SAMD12: variants seen among roughly 807,000 people sequenced by gnomAD.
SAMD12 encodes sterile alpha motif domain-containing protein 12.
Under a neutral mutation model 15.0 loss-of-function variants are expected in SAMD12, and 9 were observed. The ratio of observed to expected loss-of-function variants is 0.60; its 90% CI spans 0.36 to 1.05. The LOEUF is 1.05. SAMD12 is among the 50% of genes least tolerant of loss of function. SAMD12 has a pLI of 0.01. For missense variants in SAMD12, 230 were observed against 234.2 expected, an observed-to-expected ratio of 0.98 and a Z score of 0.12; for synonymous variants, 86 against 90.1, an observed-to-expected ratio of 0.96 and a Z score of 0.25.
chr8:118,324,782 T>C (rs529240410), intron 4 of SAMD12, among the ~76,000 whole-genome samples: 34 of 152,192 alleles, frequency 2.2e-4, no homozygotes, highest in Middle Eastern at 3.2e-3. Context: ...TGATTCTATA[T>C]GCCTGATGTT....
chr8:118,138,835 A>G, the SAMD12 span, among the ~76,000 whole-genome samples: 1 of 152,190 alleles, frequency 6.6e-6, no homozygotes, highest in Non-Finnish European at 1.5e-5. Context: ...TAGCTGCCCC[A>G]CAGCCTCAAA....
At chr8:118,321,699 G>A (rs938041936) in intron 4 of SAMD12, among the ~76,000 whole-genome samples, 1 of 152,170 alleles carries the variant, frequency 6.6e-6, no homozygotes, top group Non-Finnish European at 1.5e-5. Context: ...ATAATGCAGT[G>A]TGTAGGGGTA....
chr8:118,534,014 G>C (rs1483883691), intron 2 of SAMD12, among the ~76,000 whole-genome samples: 2 of 152,152 alleles, frequency 1.3e-5, no homozygotes, highest in South Asian at 4.1e-4. Context: ...TTGCTTGTTA[G>C]TTGATTCAGT....
intron 4 of SAMD12, among the ~76,000 whole-genome samples, chr8:118,222,242 T>C (rs1045641425): frequency 4.0e-5 from 6 of 151,606 alleles, no homozygotes; most frequent in African/African-American, 1.5e-4. Context: ...GAGCAGAAGA[T>C]AAAAATTTGG....
intron 4 of SAMD12, among the ~76,000 whole-genome samples, chr8:118,214,806 G>C (rs939661596): frequency 6.6e-6 from 1 of 152,174 alleles, no homozygotes; most frequent in Non-Finnish European, 1.5e-5. Context: ...CAAAGCTCTT[G>C]TTTCCTACAG....
At chr8:118,292,117 A>G (rs1172396466) in intron 4 of SAMD12, among the ~76,000 whole-genome samples, 1 of 151,332 alleles carries the variant, frequency 6.6e-6, no homozygotes, top group African/African-American at 2.4e-5. Flanking sequence ...CTGTGATACA[A>G]TGGACTTTGG....
At chr8:118,171,024 A>G in the SAMD12 span, among the ~76,000 whole-genome samples, 1 of 152,236 alleles carries the variant, frequency 6.6e-6, no homozygotes, top group Non-Finnish European at 1.5e-5. Context: ...ATATGAATAG[A>G]CATTTCTCCA....
intron 4 of SAMD12, among the ~76,000 whole-genome samples, chr8:118,291,972 C>T (rs1344146307): frequency 6.6e-6 from 1 of 151,064 alleles, no homozygotes; most frequent in African/African-American, 2.4e-5. Flanking sequence ...CTTTTCTTAT[C>T]TGTGCTTCTG....
At chr8:118,138,715 T>C in the SAMD12 span, among the ~76,000 whole-genome samples, 2 of 152,204 alleles carry the variant, frequency 1.3e-5, no homozygotes, top group African/African-American at 4.8e-5. Flanking sequence ...GGTTACAAAA[T>C]ATAGGCGAGA....
chr8:118,529,819 A>T (rs1486821621), intron 2 of SAMD12, among the ~76,000 whole-genome samples: 1 of 152,158 alleles, frequency 6.6e-6, no homozygotes, highest in Non-Finnish European at 1.5e-5. Flanking sequence ...GTTCAGGCTG[A>T]ATAGTGCTGC....
intron 3 of SAMD12, among the ~76,000 whole-genome samples, chr8:118,397,811 G>A (rs926881915): frequency 7.0e-6 from 1 of 143,134 alleles, no homozygotes; most frequent in Non-Finnish European, 1.5e-5. Flanking sequence ...ATTAATTAAT[G>A]AGACTGGGTC....
At chr8:118,305,983 A>G (rs1482216794) in intron 4 of SAMD12, among the ~76,000 whole-genome samples, 1 of 152,006 alleles carries the variant, frequency 6.6e-6, no homozygotes, top group African/African-American at 2.4e-5. Flanking sequence ...TCCTACTACA[A>G]CAGTCCACTG....
chr8:118,613,916 T>C (rs959833022), intron 1 of SAMD12, among the ~76,000 whole-genome samples: 1 of 152,182 alleles, frequency 6.6e-6, no homozygotes, highest in African/African-American at 2.4e-5. Context: ...TGATGAGTCT[T>C]TAGTGAATAT....
intron 3 of SAMD12, among the ~76,000 whole-genome samples, chr8:118,411,874 T>A (rs1352336364): frequency 6.6e-6 from 1 of 152,164 alleles, no homozygotes; most frequent in Non-Finnish European, 1.5e-5. Context: ...TCAAATGGTA[T>A]AACAACAAGT....
At chr8:118,178,271 G>A in the SAMD12 span, among the ~76,000 whole-genome samples, 19 of 152,068 alleles carry the variant, frequency 1.2e-4, no homozygotes, top group African/African-American at 3.6e-4. Context: ...GCCAAGCAAC[G>A]TTTTGTTCAA....
Position 118,589,352 on chromosome 8 carries a change from C to T in SAMD12, c.14-8459G>A, listed in dbSNP as rs532833903. Among the ~76,000 whole-genome samples, 24 of 152,328 alleles carry T rather than the reference C, an allele frequency of 1.6e-4. 1 individual carries two copies. Among genetic ancestry groups the T allele is most frequent in the Non-Finnish European group, 1.9e-4 (13 of 68,040 alleles). On this transcript the variant is annotated intron_variant, in intron 1 of 3. Transcript: ENST00000314727. Reference sequence around the variant, plus strand: ...TCTTCTCTGGGCCCCACGATGCTCACTCACTCTGGTTTACTTGTCTACAGA... The same window carrying T: ...TCTTCTCTGGGCCCCACGATGCTCATTCACTCTGGTTTACTTGTCTACAGA...
chr8:118,451,280 T>C (rs1165875385), intron 2 of SAMD12, among the ~76,000 whole-genome samples: 1 of 152,208 alleles, frequency 6.6e-6, no homozygotes, highest in African/African-American at 2.4e-5. Flanking sequence ...AGGTTTCCAG[T>C]GCTAGTTTGC....
chr8:118,443,153 T>C (rs1822807375), intron 2 of SAMD12, among the ~76,000 whole-genome samples: 1 of 152,126 alleles, frequency 6.6e-6, no homozygotes, highest in Non-Finnish European at 1.5e-5. Flanking sequence ...TACTCAAAAC[T>C]TTAGGCATAG....
Position 118,220,962 on chromosome 8 carries a change from C to T in SAMD12, c.434-23230G>A, listed in dbSNP as rs73318043. Among the ~76,000 whole-genome samples the T allele has an allele frequency of 8.5e-3, 1,289 of 151,710 alleles. 19 individuals are homozygous for T. Among genetic ancestry groups the T allele is most frequent in the African/African-American group, 0.03 (1,220 of 41,300 alleles). ...CATATTGTCCATTGAGATGAGAAGA[C>T]GTGTGGTGGAATACGAAGATATGAA... On this transcript the variant is annotated intron_variant, in intron 4 of 4. Coordinates refer to the SAMD12 transcript ENST00000409003.
Sources: allele counts gnomAD v4.1 joint callset (sites outside exome capture counted in the v4.1 genomes callset), GRCh38; gene constraint gnomAD v4.1.1; transcripts MANE v1.5; gene names NCBI Gene and HGNC (gene_info 2026-07-23, HGNC 2026-07-21).